NAV2: variants seen among roughly 807,000 people sequenced by gnomAD.
NAV2 encodes helicase, APC down-regulated 1.
A neutral mutation model predicts 223.2 loss-of-function variants in NAV2; 54 were observed. The ratio of observed to expected loss-of-function variants is 0.24; its 90% CI spans 0.19 to 0.30. The LOEUF (loss-of-function observed/expected upper bound fraction) is 0.30, where lower values mean the gene tolerates loss of function less well. Ranked by LOEUF, NAV2 falls within the 10% of genes least tolerant of loss-of-function variation. NAV2 has a pLI of 1.00. For synonymous variants in NAV2, 1,279 were observed against 1,239.3 expected (o/e 1.03, Z -0.67); for missense variants, 2,806 against 3,147.5 (o/e 0.89, Z 2.60).
intron 6 of NAV2, among the ~76,000 whole-genome samples, chr11:19,907,090 A>AT (rs2042925734): frequency 7.2e-6 from 1 of 138,776 alleles, no homozygotes; most frequent in Admixed American, 7.6e-5. Context: ...ACATAAAGTT[A>AT]TTGTACGGTT....
chr11:19,789,661 C>T (rs2057387435), intron 1 of NAV2, among the ~76,000 whole-genome samples: 1 of 152,184 alleles, frequency 6.6e-6, no homozygotes, highest in Admixed American at 6.5e-5. Context: ...TGATTAGAGG[C>T]AGAAAAATTT....
At chr11:19,480,594 A>G (rs2042248254) in intron 1 of NAV2, among the ~76,000 whole-genome samples, 1 of 152,236 alleles carries the variant, frequency 6.6e-6, no homozygotes. Context: ...TTGTTCTTCA[A>G]ATCCAAGAAG....
chr11:19,555,662 G>A (rs2044859971), intron 1 of NAV2, among the ~76,000 whole-genome samples: 1 of 152,072 alleles, frequency 6.6e-6, no homozygotes, highest in Non-Finnish European at 1.5e-5. Flanking sequence ...AAAGGTTCGG[G>A]GACTCTAGGT....
chr11:19,471,110 T>G lies in NAV2; in HGVS notation c.75+120083T>G, dbSNP rs149533528. ...TCCAGCACTTTCATTGAAGTCTGCCTTCTGTGCCTTTCCACAAATGACCCC... is the reference window on the plus strand; with the variant it reads ...TCCAGCACTTTCATTGAAGTCTGCCGTCTGTGCCTTTCCACAAATGACCCC... On this transcript the variant is annotated intron_variant, in intron 1 of 37. Transcript: ENST00000360655. Among the ~76,000 whole-genome samples, 17 of 152,330 alleles carry G rather than the reference T, an allele frequency of 1.1e-4. No individual in the cohort carries two copies. In the South Asian group the frequency reaches 1.7e-3, roughly 15 times the overall value.
At chr11:20,100,087 C>T (rs550141341) in intron 31 of NAV2, among the ~76,000 whole-genome samples, 14 of 152,288 alleles carry the variant, frequency 9.2e-5, no homozygotes, top group African/African-American at 3.1e-4. Flanking sequence ...ACAGTACATA[C>T]TCTTCAGTTT....
At chr11:19,472,511 C>A (rs985158144) in intron 1 of NAV2, among the ~76,000 whole-genome samples, 1 of 152,028 alleles carries the variant, frequency 6.6e-6, no homozygotes, top group African/African-American at 2.4e-5. Context: ...ATTATTGAGC[C>A]TGGAGTAATA....
chr11:19,831,353 A>T (rs890242676), intron 1 of NAV2, among the ~76,000 whole-genome samples: 3 of 151,454 alleles, frequency 2.0e-5, no homozygotes, highest in Non-Finnish European at 4.4e-5. Flanking sequence ...AGTCACATGG[A>T]TCCTCGGAGC....
intron 3 of NAV2, among the ~76,000 whole-genome samples, chr11:19,864,366 G>C (rs2061967464): frequency 6.6e-6 from 1 of 152,174 alleles, no homozygotes; most frequent in East Asian, 1.9e-4. Context: ...GGAGAAAAAT[G>C]CTGCCATGAC....
intron 11 of NAV2, among the ~76,000 whole-genome samples, chr11:20,018,283 G>A (rs550870928): frequency 3.3e-4 from 50 of 151,262 alleles, no homozygotes; most frequent in Non-Finnish European, 6.2e-4. Flanking sequence ...GAACCCGGGA[G>A]GTGGAGGTTG....
chr11:19,509,861 G>GAA (rs201439582), intron 1 of NAV2, among the ~76,000 whole-genome samples: 16 of 135,438 alleles, frequency 1.2e-4, no homozygotes, highest in African/African-American at 2.4e-4. Flanking sequence ...GAAAGAAATA[G>GAA]GAAAAAAAAA....
chr11:20,052,082 C>G (rs2058048623), intron 17 of NAV2, among the ~76,000 whole-genome samples: 1 of 152,238 alleles, frequency 6.6e-6, no homozygotes, highest in African/African-American at 2.4e-5. Context: ...ATCTTGCTGT[C>G]TTATGGTTGC....
intron 1 of NAV2, among the ~76,000 whole-genome samples, chr11:19,521,320 G>A (rs2043647820): frequency 6.6e-6 from 1 of 152,184 alleles, no homozygotes; most frequent in African/African-American, 2.4e-5. Context: ...TGGACCCAGA[G>A]GCCAGTCCCC....
At chr11:19,520,850 C>T (rs1193739432) in intron 1 of NAV2, among the ~76,000 whole-genome samples, 3 of 152,058 alleles carry the variant, frequency 2.0e-5, no homozygotes, top group African/African-American at 7.2e-5. Context: ...GGGGCGTGGG[C>T]CTTGGGAGAG....
At chr11:19,535,020 A>G (rs1397616351) in intron 1 of NAV2, among the ~76,000 whole-genome samples, 2 of 152,146 alleles carry the variant, frequency 1.3e-5, no homozygotes, top group African/African-American at 4.8e-5. Context: ...CTGGGACATA[A>G]TAAGTGCTTA....
At chr11:19,645,837 G>A (rs1295361168) in intron 1 of NAV2, among the ~76,000 whole-genome samples, 2 of 152,136 alleles carry the variant, frequency 1.3e-5, no homozygotes, top group Admixed American at 1.3e-4. Context: ...TGGATGAGGT[G>A]GAAACTAGTA....
chr11:20,090,871 A>G lies in NAV2; in HGVS notation c.5505A>G (p.Ser1835=). 1 of 1,613,248 alleles carries G rather than the reference A, an allele frequency of 6.2e-7. No individual in the cohort carries two copies. The highest frequency in any genetic ancestry group is 8.5e-7 in the Non-Finnish European group (1 of 1,179,528). ...AACATTCCTCTTTCCCTAGAATTTC[A>G]GAATGCATGGATAGTGAAGCTGAGA... ...LRNSHSNSLI[S]ECMDSEAETV... The change falls in exon 27 of 38, where the codon TCA becomes TCG. Residue 1835 remains serine (S), a synonymous_variant. Transcript: ENST00000349880.
intron 1 of NAV2, among the ~76,000 whole-genome samples, chr11:19,732,432 A>G (rs767782588): frequency 6.6e-6 from 1 of 152,238 alleles, no homozygotes; most frequent in Non-Finnish European, 1.5e-5. Flanking sequence ...CCATTCATAT[A>G]AAGTGCTTAG....
intron 1 of NAV2, among the ~76,000 whole-genome samples, chr11:19,787,268 A>ATTTTTTTTTTTTTT (rs1565315820): frequency 3.4e-5 from 1 of 29,404 alleles, no homozygotes; most frequent in Non-Finnish European, 6.3e-5. Flanking sequence ...TTTTTATTGG[A>ATTTTTTTTTTTTTT]TCTTTTTTTT....
At chr11:20,114,398 C>T (rs1357530075) in intron 36 of NAV2, 194 bp from the exon 37 acceptor site, 11 of 607,206 alleles carry the variant, frequency 1.8e-5, no homozygotes, top group Non-Finnish European at 2.9e-5. Context: ...ACCACTGGGT[C>T]ATGCTGCCTT....
Sources: allele counts gnomAD v4.1 joint callset (sites outside exome capture counted in the v4.1 genomes callset), GRCh38; gene constraint gnomAD v4.1.1; transcripts MANE v1.5; gene names NCBI Gene and HGNC (gene_info 2026-07-23, HGNC 2026-07-21).